Variants in MARCHF11 observed in about 807,000 individuals in gnomAD.
MARCHF11 encodes the protein membrane associated ring-CH-type finger 11, also known as E3 ubiquitin-protein ligase MARCHF11.
A neutral mutation model predicts 37.3 loss-of-function variants in MARCHF11; 29 were observed. The observed-to-expected ratio is 0.78, with a 90% CI of 0.58 to 1.06. MARCHF11 has a LOEUF of 1.06. Among genes scored for constraint, MARCHF11 ranks in the 50% least tolerant of loss-of-function variants. The pLI, the probability that MARCHF11 is intolerant of heterozygous loss-of-function variation, is 0.00. For missense variants in MARCHF11, 482 were observed against 533.4 expected (o/e 0.90, Z 0.95); for synonymous variants, 233 against 228.0 (o/e 1.02, Z -0.20).
chr5:16,067,839 A>G (rs1736376151), intron 3 of MARCHF11, 46 bp from the exon 4 acceptor site: 3 of 1,524,528 alleles, frequency 2.0e-6, no homozygotes, highest in Non-Finnish European at 2.7e-6. Flanking sequence ...GTGATAATCC[A>G]AGGCTGGGAG....
intron 2 of MARCHF11, among the ~76,000 whole-genome samples, chr5:16,116,486 A>G (rs952893913): frequency 6.6e-6 from 1 of 152,184 alleles, no homozygotes; most frequent in African/African-American, 2.4e-5. Context: ...ATTGCAGAGA[A>G]TTGTTATTAC....
chr5:16,125,477 C>A (rs1416842532), intron 2 of MARCHF11, among the ~76,000 whole-genome samples: 2 of 152,106 alleles, frequency 1.3e-5, no homozygotes, highest in East Asian at 3.9e-4. Context: ...AATTAACTTC[C>A]CAGTAATGTT....
At chr5:16,085,654 A>G (rs1410207460) in intron 3 of MARCHF11, among the ~76,000 whole-genome samples, 1 of 152,096 alleles carries the variant, frequency 6.6e-6, no homozygotes, top group Non-Finnish European at 1.5e-5. Context: ...ATCAAAATTT[A>G]CATAAGCTTA....
rs140883994 is a variant in MARCHF11, at chr5:16,091,992, A to G, written c.694-911T>C. 3.9e-5 allele frequency among the ~76,000 whole-genome samples: 6 copies of G among 152,302 alleles called. No homozygotes were observed. In the East Asian group the frequency reaches 1.2e-3, roughly 29 times the overall value. ...GCATAATTTACTCATCCTGTGTGGA[A>G]GAGCTCTGGCTATGGCAACATATGG... On this transcript the variant is annotated intron_variant, in intron 2 of 3. Coordinates refer to ENST00000332432, the MANE Select transcript of MARCHF11 (RefSeq NM_001102562.3).
At chr5:16,161,817 T>C (rs1051380176) in intron 2 of MARCHF11, among the ~76,000 whole-genome samples, 39 of 152,010 alleles carry the variant, frequency 2.6e-4, no homozygotes, top group African/African-American at 8.9e-4. Flanking sequence ...AATTATATTA[T>C]CTTGAAAATT....
chr5:16,096,589 C>T (rs1272065158), intron 2 of MARCHF11, among the ~76,000 whole-genome samples: 5 of 152,178 alleles, frequency 3.3e-5, no homozygotes, highest in African/African-American at 7.2e-5. Flanking sequence ...CCACAGATTG[C>T]TGTGAAACCA....
intron 3 of MARCHF11, among the ~76,000 whole-genome samples, chr5:16,076,445 A>G (rs145484054): frequency 1.1e-3 from 164 of 152,330 alleles, no homozygotes; most frequent in African/African-American, 3.7e-3. Flanking sequence ...TTTATAGATA[A>G]TAAATATCAT....
At chr5:16,123,976 A>G (rs536686211) in intron 2 of MARCHF11, among the ~76,000 whole-genome samples, 1 of 151,862 alleles carries the variant, frequency 6.6e-6, no homozygotes, top group African/African-American at 2.4e-5. Flanking sequence ...AGTCCAGCAC[A>G]CTACCTTCCT....
chr5:16,156,539 G>A (rs3936412), intron 2 of MARCHF11, among the ~76,000 whole-genome samples: 4,640 of 151,882 alleles, frequency 0.031, 245 homozygotes, highest in African/African-American at 0.11. Context: ...TGCAATTCAG[G>A]TATGTTAATG....
chr5:16,177,039 C>G (rs1171673429), intron 2 of MARCHF11, among the ~76,000 whole-genome samples: 1 of 152,024 alleles, frequency 6.6e-6, no homozygotes, highest in Non-Finnish European at 1.5e-5. Flanking sequence ...GCCTATTTTC[C>G]AGGGCATTTG....
chr5:16,136,428 C>T (rs999070146), intron 2 of MARCHF11, among the ~76,000 whole-genome samples: 1 of 152,164 alleles, frequency 6.6e-6, no homozygotes, highest in African/African-American at 2.4e-5. Context: ...TCTGCAGCAA[C>T]ATTCAGTATC....
intron 2 of MARCHF11, among the ~76,000 whole-genome samples, chr5:16,126,007 T>G (rs1218465834): frequency 6.6e-6 from 1 of 152,192 alleles, no homozygotes; most frequent in East Asian, 1.9e-4. Context: ...TTTAAGAGAC[T>G]AATTCGAATA....
intron 2 of MARCHF11, among the ~76,000 whole-genome samples, chr5:16,155,325 C>T (rs183000769): frequency 6.6e-5 from 10 of 151,484 alleles, no homozygotes; most frequent in Admixed American, 5.3e-4. Context: ...TTTTTCATGG[C>T]GATTACCACC....
intron 2 of MARCHF11, among the ~76,000 whole-genome samples, chr5:16,111,378 AT>A (rs1737134534): frequency 6.6e-6 from 1 of 152,214 alleles, no homozygotes; most frequent in Admixed American, 6.5e-5. Context: ...TCAGATGGAG[AT>A]GAGGTACTTG....
intron 2 of MARCHF11, among the ~76,000 whole-genome samples, chr5:16,130,018 A>C (rs1044415361): frequency 6.6e-6 from 1 of 152,154 alleles, no homozygotes; most frequent in African/African-American, 2.4e-5. Flanking sequence ...TCAAGATAAC[A>C]TTTTCAAGAA....
At chr5:16,079,170 C>T (rs1196638550) in intron 3 of MARCHF11, among the ~76,000 whole-genome samples, 2 of 152,154 alleles carry the variant, frequency 1.3e-5, no homozygotes, top group Admixed American at 6.5e-5. Context: ...CTCTACTATT[C>T]ATCCTTTGCC....
chr5:16,095,112 G>C (rs765555342), intron 2 of MARCHF11, among the ~76,000 whole-genome samples: 8 of 152,042 alleles, frequency 5.3e-5, no homozygotes, highest in Non-Finnish European at 8.8e-5. Flanking sequence ...AAGAGCTTTG[G>C]TAACAATTAA....
At chr5:16,110,737 C>T (rs1050488393) in intron 2 of MARCHF11, among the ~76,000 whole-genome samples, 1 of 152,118 alleles carries the variant, frequency 6.6e-6, no homozygotes, top group Non-Finnish European at 1.5e-5. Context: ...TTTCTAATAT[C>T]CAGCCTCCAA....
intron 2 of MARCHF11, among the ~76,000 whole-genome samples, chr5:16,132,759 A>T (rs1299993424): frequency 6.6e-6 from 1 of 152,330 alleles, no homozygotes; most frequent in African/African-American, 2.4e-5. Flanking sequence ...GCTTTATAAG[A>T]AACAAGAACA....
Sources: gnomAD v4.1 joint callset for allele counts (sites outside exome capture counted in the v4.1 genomes callset) on GRCh38, gnomAD v4.1.1 for gene constraint, MANE v1.5 for transcripts, NCBI Gene and HGNC (gene_info 2026-07-23, HGNC 2026-07-21) for gene names.